KCNJ14: variants seen among roughly 807,000 people sequenced by gnomAD.
KCNJ14 encodes potassium inwardly rectifying channel subfamily J member 14, also known as ATP-sensitive inward rectifier potassium channel 14.
Under a neutral mutation model 24.5 loss-of-function variants are expected in KCNJ14, and 18 were observed. The observed-to-expected ratio is 0.74, with a 90% CI of 0.51 to 1.09. KCNJ14 has a LOEUF of 1.09. Among genes scored for constraint, KCNJ14 ranks in the 50% least tolerant of loss-of-function variants. The pLI is 0.00. For missense variants in KCNJ14, 633 were observed against 623.0 expected (o/e 1.02, Z -0.17); for synonymous variants, 288 against 270.8 (o/e 1.06, Z -0.63).
rs151174361 is a variant in KCNJ14, at chr19:48,464,390, G to A, written c.924G>A (p.Glu308=). 182 of 1,613,388 alleles carry A rather than the reference G, an allele frequency of 1.1e-4. No individual in the cohort carries two copies. The African/African-American group carries it at 1.6e-3, about 15-fold the overall frequency. The change falls in exon 3 of 3, where the codon GAG becomes GAA. Residue 308 remains glutamate (E), a synonymous_variant. Transcript: ENST00000342291. ...ELVVILEGMV[E]ATAMTTQCRS... ...TGGTCATTCTCGAGGGGATGGTTGA[G>A]GCCACAGCCATGACCACACAGTGTC...
Position 48,461,926 on chromosome 19 carries a change from G to C in KCNJ14, c.202G>C (p.Gly68Arg). The change falls in exon 2 of 3, where the codon GGC (glycine) becomes CGC (arginine). Residue 68 changes from glycine (G) to arginine (R), a missense_variant. By Grantham distance (125) the Gly-to-Arg change is moderately radical. Transcript: ENST00000342291. ...CAACGTGCGTTTCGTAAACCTGGGT[G>C]GCCAGGGCGCGCGCTACCTGAGCGA... The part of the protein sequence containing the change: ...HCNVRFVNLG[G>R]QGARYLSDLF... 1.2e-6 allele frequency: 2 copies of C among 1,609,868 alleles called. No individual in the cohort carries two copies. Among genetic ancestry groups the C allele is most frequent in the Non-Finnish European group, 1.7e-6 (2 of 1,177,706 alleles).
At chr19:48,457,737 G>A (rs909776799) in intron 1 of KCNJ14, among the ~76,000 whole-genome samples, 3 of 151,322 alleles carry the variant, frequency 2.0e-5, no homozygotes, top group South Asian at 4.2e-4. Flanking sequence ...GAGTGCACTC[G>A]TGCACTCTCA....
chr19:48,456,840 A>AT (rs1372875331), intron 1 of KCNJ14: 1 of 151,262 alleles, frequency 6.6e-6, no homozygotes, highest in Non-Finnish European at 1.5e-5. Flanking sequence ...TTCTTCCTTT[A>AT]TTTTTTATTT....
At chr19:48,461,396 G>A (rs1002633823) in intron 1 of KCNJ14, 15 of 244,640 alleles carry the variant, frequency 6.1e-5, no homozygotes, top group Admixed American at 1.7e-4. Context: ...GTGGTGGTGT[G>A]CACCTGTAGT....
chr19:48,456,987 C>T (rs1971546611), intron 1 of KCNJ14: 1 of 145,298 alleles, frequency 6.9e-6, no homozygotes, highest in African/African-American at 2.7e-5. Flanking sequence ...ACCGCACCTG[C>T]CCTCTTTTTT....
intron 1 of KCNJ14, among the ~76,000 whole-genome samples, chr19:48,459,071 T>A (rs1183883512): frequency 6.7e-6 from 1 of 150,298 alleles, no homozygotes; most frequent in Non-Finnish European, 1.5e-5. Context: ...AAACCCCGTC[T>A]CTACTAAAAA....
rs34391014 is a variant in KCNJ14, at chr19:48,461,528, C to CAAAAAA, written c.-55-125_-55-120dup. ...GGGCGACAGAGCGAGACTCTGTCTC[C>CAAAAAA]AAAAAAAAAAAAAAAAAAAAAATGC... On this transcript the variant is annotated intron_variant, in intron 1 of 2. Coordinates refer to ENST00000342291, the MANE Select transcript of KCNJ14 (RefSeq NM_013348.4). The CAAAAAA allele has an allele frequency of 3.9e-4, 64 of 165,586 alleles. 1 individual carries two copies. In the African/African-American group the frequency reaches 6.0e-3, roughly 15 times the overall value. 10.3% of individuals were successfully genotyped at this position (165,586 alleles called of 1,614,324 possible). A position where few individuals can be genotyped will look rare whatever the true frequency, so the allele number is the denominator to read the frequency against.
rs1356858186 is a variant in KCNJ14 at position 48,461,799 on chromosome 19, G to C, written c.75G>C (p.Glu25Asp). The C allele has an allele frequency of 2.0e-6, 3 of 1,472,542 alleles. No individual in the cohort carries two copies. The highest frequency in any genetic ancestry group is 5.5e-5 in the Admixed American group (2 of 36,308). 91.2% of individuals were successfully genotyped at this position (1,472,542 alleles called of 1,614,324 possible). A position where few individuals can be genotyped will look rare whatever the true frequency, so the allele number is the denominator to read the frequency against. Residue 25 changes from glutamate to aspartate, a missense_variant, in exon 2 of 3, where the codon GAG becomes GAC. Physicochemically the swap from Glu to Asp is conservative, Grantham distance 45. Coordinates refer to ENST00000342291, the MANE Select transcript of KCNJ14 (RefSeq NM_013348.4). ...DSGDSRAGDE[E>D]EAGPGLCRNG... ...GAGACAGCCGGGCGGGCGATGAAGA[G>C]GAGGCCGGGCCCGGGTTGTGCCGCA...
rs751706013 is a variant in KCNJ14 at position 48,464,228 on chromosome 19, T to A, written c.762T>A (p.Asp254Glu). 36 of 1,614,022 alleles carry A rather than the reference T, an allele frequency of 2.2e-5. No homozygotes were observed. Among genetic ancestry groups the A allele is most frequent in the Non-Finnish European group, 3.0e-5 (35 of 1,180,030 alleles). The change falls in exon 3 of 3, where the codon GAT (aspartate) becomes GAA (glutamate). Residue 254 changes from aspartate (D) to glutamate (E), a missense_variant. By Grantham distance (45) the Asp-to-Glu change is conservative. Transcript: ENST00000342291. ...EGEYIPLDHQDVDVGFDGGTD... is the reference protein window; with the variant it reads ...EGEYIPLDHQEVDVGFDGGTD... ...AGTACATCCCGCTGGACCACCAGGA[T>A]GTGGATGTGGGCTTTGATGGAGGCA...
Position 48,462,004 on chromosome 19 carries a change from T to A in KCNJ14, c.280T>A (p.Ser94Thr). 1 of 1,612,796 alleles carries A rather than the reference T, an allele frequency of 6.2e-7. No individual in the cohort carries two copies. The change falls in exon 2 of 3, where the codon TCC (serine) becomes ACC (threonine). Residue 94 changes from serine to threonine, a missense_variant. Coordinates refer to ENST00000342291, the MANE Select transcript of KCNJ14 (RefSeq NM_013348.4). This position sits in a 1 kb window ranked among gnomAD's most constrained non-coding sequence, Gnocchi z 4.9. ...CTGGCGCTGGATGTGCCTGCTCTTCTCCTGCTCCTTCCTCGCCTCCTGGCT... is the reference window on the plus strand; with the variant it reads ...CTGGCGCTGGATGTGCCTGCTCTTCACCTGCTCCTTCCTCGCCTCCTGGCT... ...VRWRWMCLLFSCSFLASWLLF... is the reference protein window; with the variant it reads ...VRWRWMCLLFTCSFLASWLLF...
In KCNJ14 at chr19:48,464,754, C is replaced by G; in HGVS notation, c.1288C>G (p.Leu430Val). The change falls in exon 3 of 3, where the codon CTG becomes GTG. Residue 430 changes from leucine (L) to valine (V), a missense_variant. Physicochemically the swap from Leu to Val is conservative, Grantham distance 32 (BLOSUM62 1). Transcript: ENST00000342291. ...AASPRVLTPT[L>V]ALTLPP ...TAGCCCCCGAGTTCTCACACCAACC[C>G]TGGCGCTGACCCTGCCTCCATGATG... 1 of 1,605,530 alleles carries G rather than the reference C, an allele frequency of 6.2e-7. No homozygotes were observed. The highest frequency in any genetic ancestry group is 1.1e-5 in the South Asian group (1 of 91,068).
chr19:48,457,809 C>T (rs529419237), intron 1 of KCNJ14, among the ~76,000 whole-genome samples: 1 of 152,236 alleles, frequency 6.6e-6, no homozygotes, highest in East Asian at 1.9e-4. Context: ...TCCCGAGTAG[C>T]TGGGATTACA....
chr19:48,455,797 C>G lies in KCNJ14; in HGVS notation c.-117C>G, dbSNP rs1187195432. ...TGGCCAGCTCATGGCGTTCCCTGAGCCTGTTCCCCAACTGTGAAAGGGGGT... is the reference window on the plus strand; with the variant it reads ...TGGCCAGCTCATGGCGTTCCCTGAGGCTGTTCCCCAACTGTGAAAGGGGGT... On this transcript the variant is annotated 5_prime_UTR_variant, in exon 1 of 3. Coordinates refer to ENST00000342291, the MANE Select transcript of KCNJ14 (RefSeq NM_013348.4). The G allele has an allele frequency of 1.3e-5, 2 of 152,286 alleles. No individual in the cohort carries two copies. The highest frequency in any genetic ancestry group is 2.4e-5 in the African/African-American group (1 of 41,452). The allele number at this position is 152,286 out of a possible 1,614,324, so 9.4% of individuals were successfully genotyped here. A position where few individuals can be genotyped will look rare whatever the true frequency, so the allele number is the denominator to read the frequency against.
At chr19:48,456,727 G>A (rs1433997870) in intron 1 of KCNJ14, 1 of 152,242 alleles carries the variant, frequency 6.6e-6, no homozygotes, top group Non-Finnish European at 1.5e-5. Flanking sequence ...CAAGCGTTTG[G>A]TAACGTTGCA....
Position 48,462,210 on chromosome 19 carries a change from T to A in KCNJ14, c.486T>A (p.Ala162=), listed in dbSNP as rs570825656. The change falls in exon 2 of 3, where the codon GCT becomes GCA. Residue 162 remains alanine (A), a synonymous_variant. Coordinates refer to ENST00000342291, the MANE Select transcript of KCNJ14 (RefSeq NM_013348.4). The surrounding 1 kb of genome is among the most constrained non-coding windows in gnomAD (Gnocchi z 4.9). ...VRSVTEECPA[A]VAAVVLQCIA... ...GCGTCACCGAGGAGTGCCCGGCCGCTGTGGCCGCCGTGGTGCTGCAGTGCA... is the reference window on the plus strand; with the variant it reads ...GCGTCACCGAGGAGTGCCCGGCCGCAGTGGCCGCCGTGGTGCTGCAGTGCA... 48 of 1,553,794 alleles carry A rather than the reference T, an allele frequency of 3.1e-5. No homozygotes were observed. The Admixed American group carries it at 9.1e-4, about 30-fold the overall frequency.
At position 48,462,219 on chromosome 19, in the gene KCNJ14, C is replaced by T; in HGVS notation, c.495C>T (p.Ala165=). 1 of 1,552,318 alleles carries T rather than the reference C, an allele frequency of 6.4e-7. No individual in the cohort carries two copies. ...AGGAGTGCCCGGCCGCTGTGGCCGC[C>T]GTGGTGCTGCAGTGCATTGCCGGCT... ...VTEECPAAVA[A]VVLQCIAGCV... Residue 165 remains alanine (A), a synonymous_variant, in exon 2 of 3, where the codon GCC becomes GCT. Coordinates refer to ENST00000342291, the MANE Select transcript of KCNJ14 (RefSeq NM_013348.4). This position sits in a 1 kb window ranked among gnomAD's most constrained non-coding sequence, Gnocchi z 4.9.
intron 2 of KCNJ14, among the ~76,000 whole-genome samples, chr19:48,463,022 A>T (rs1389181680): frequency 6.6e-6 from 1 of 152,124 alleles, no homozygotes; most frequent in Non-Finnish European, 1.5e-5. Flanking sequence ...TCCCCACCTC[A>T]GTGGCCCATT....
chr19:48,463,630 C>G (rs755985521), intron 2 of KCNJ14, among the ~76,000 whole-genome samples: 17 of 152,180 alleles, frequency 1.1e-4, no homozygotes, highest in Non-Finnish European at 1.9e-4. Flanking sequence ...GTGGTGGGTG[C>G]AGAATGTTGG....
At position 48,462,367 on chromosome 19, in the gene KCNJ14, C is replaced by G. The variant is rs1344291114; in HGVS notation, c.643C>G (p.Leu215Val). 1.3e-6 allele frequency: 2 copies of G among 1,537,966 alleles called. No homozygotes were observed. Among genetic ancestry groups the G allele is most frequent in the Non-Finnish European group, 1.8e-6 (2 of 1,137,132 alleles). Residue 215 changes from leucine (L) to valine (V), a missense_variant, in exon 2 of 3, where the codon CTC becomes GTC. Transcript: ENST00000342291. The surrounding 1 kb of genome is among the most constrained non-coding windows in gnomAD (Gnocchi z 4.9). ...VVALRDHRLC[L>V]MWRVGNLRRS... ...GGCGCTGCGCGACCACCGCCTCTGCCTCATGTGGCGCGTCGGCAACCTGCG... is the reference window on the plus strand; with the variant it reads ...GGCGCTGCGCGACCACCGCCTCTGCGTCATGTGGCGCGTCGGCAACCTGCG...
Sources: gnomAD v4.1 joint callset for allele counts (sites outside exome capture counted in the v4.1 genomes callset) on GRCh38, gnomAD v4.1.1 for gene constraint, Gnocchi (gnomAD v3.1) non-coding constraint, MANE v1.5 for transcripts, NCBI Gene and HGNC (gene_info 2026-07-23, HGNC 2026-07-21) for gene names.